Variants in NT5M observed in about 807,000 individuals in gnomAD.
NT5M encodes 5'(3')-deoxyribonucleotidase, mitochondrial.
NT5M carries 22 observed loss-of-function variants against 22.2 expected under a neutral mutation model. The observed-to-expected ratio is 0.99, with a 90% CI of 0.71 to 1.41. NT5M has a LOEUF of 1.41. NT5M is among the 40% of genes most tolerant of loss of function. The probability of loss-of-function intolerance (pLI) is 0.00; values close to 1 mark genes in which losing one functional copy is unlikely to be tolerated. For synonymous variants in NT5M, 167 were observed against 133.0 expected, an observed-to-expected ratio of 1.26 and a Z score of -1.76; for missense variants, 322 against 314.8, an observed-to-expected ratio of 1.02 and a Z score of -0.17.
rs571801233 is a variant in NT5M at position 17,336,284 on chromosome 17, G to A, written c.430-8510G>A. Among the ~76,000 whole-genome samples the A allele has an allele frequency of 7.9e-5, 12 of 152,200 alleles. No individual in the cohort carries two copies. The South Asian group carries it at 2.5e-3, about 32-fold the overall frequency. On this transcript the variant is annotated intron_variant, in intron 3 of 4. Transcript: ENST00000389022. ...CCCAAAGTGCTGGGATTACAGGCAT[G>A]AGCCACCGCGCCCAGCCTATTCATT... is the stretch of plus-strand genomic sequence containing the variant.
At chr17:17,305,413 C>CCCCCCCCCT (rs1567877233) in intron 1 of NT5M, among the ~76,000 whole-genome samples, 3 of 124,978 alleles carry the variant, frequency 2.4e-5, no homozygotes, top group South Asian at 2.8e-4. Flanking sequence ...CCCCCGCCCC[C>CCCCCCCCCT]ACACACGTGG....
At chr17:17,340,895 T>A (rs998692352) in intron 3 of NT5M, among the ~76,000 whole-genome samples, 1 of 152,180 alleles carries the variant, frequency 6.6e-6, no homozygotes, top group Non-Finnish European at 1.5e-5. Context: ...CTTCTTTTTT[T>A]ATTTTTTTTA....
intron 3 of NT5M, among the ~76,000 whole-genome samples, chr17:17,338,815 C>T (rs886481306): frequency 1.3e-5 from 2 of 150,870 alleles, no homozygotes; most frequent in African/African-American, 2.4e-5. Flanking sequence ...CAAGCTCCAC[C>T]TCCCAGGTTC....
intron 2 of NT5M, among the ~76,000 whole-genome samples, chr17:17,308,859 C>T (rs1438726631): frequency 6.6e-6 from 1 of 152,104 alleles, no homozygotes; most frequent in Non-Finnish European, 1.5e-5. Flanking sequence ...AATATGTGGT[C>T]TTTTGGGTCT....
chr17:17,313,421 T>C (rs1391476452), intron 2 of NT5M, among the ~76,000 whole-genome samples: 1 of 152,248 alleles, frequency 6.6e-6, no homozygotes, highest in African/African-American at 2.4e-5. Context: ...CATTTGGCTC[T>C]TAAATTGGTA....
At chr17:17,326,715 C>A (rs764791091) in intron 3 of NT5M, among the ~76,000 whole-genome samples, 1 of 152,024 alleles carries the variant, frequency 6.6e-6, no homozygotes, top group Non-Finnish European at 1.5e-5. Context: ...GATGGACTGT[C>A]CTAAAAGGCT....
chr17:17,314,060 G>A (rs2048974107), intron 2 of NT5M, among the ~76,000 whole-genome samples: 1 of 136,726 alleles, frequency 7.3e-6, no homozygotes, highest in South Asian at 2.1e-4. Flanking sequence ...TTGAGATGGA[G>A]TCTTGCTCTG....
At chr17:17,325,161 T>C (rs2049239294) in intron 3 of NT5M, among the ~76,000 whole-genome samples, 1 of 152,206 alleles carries the variant, frequency 6.6e-6, no homozygotes, top group Non-Finnish European at 1.5e-5. Context: ...GGAGTCACTA[T>C]TTCAGCTGGA....
At position 17,331,787 on chromosome 17, in the gene NT5M, CT is replaced by C. The variant is rs533187754; in HGVS notation, c.429+8553del. Among the ~76,000 whole-genome samples, 52 of 144,688 alleles carry C rather than the reference CT, an allele frequency of 3.6e-4. No homozygotes were observed. The Middle Eastern group carries it at 0.011, about 30-fold the overall frequency. The allele number at this position is 144,688 out of a possible 152,430, so 94.9% of individuals were successfully genotyped here. On this transcript the variant is annotated intron_variant, in intron 3 of 4. Transcript: ENST00000389022. ...ATGGTATTCTTTTTCTTTTTCTTTT[CT>C]TTTTTTTTTTGAGATGGAGTCTCGC... is the stretch of plus-strand genomic sequence containing the variant.
At chr17:17,343,417 G>A (rs1208630323) in intron 3 of NT5M, among the ~76,000 whole-genome samples, 1 of 152,346 alleles carries the variant, frequency 6.6e-6, no homozygotes, top group East Asian at 1.9e-4. Context: ...GAAAGGTGGC[G>A]CTGGGACAGC....
chr17:17,330,719 T>G (rs1268598731), intron 3 of NT5M, among the ~76,000 whole-genome samples: 1 of 150,234 alleles, frequency 6.7e-6, no homozygotes, highest in Non-Finnish European at 1.5e-5. Context: ...TGAATTACAT[T>G]TCTTTGCTTT....
intron 1 of NT5M, 89 bp from the exon 2 acceptor site, chr17:17,306,454 C>T: frequency 3.5e-6 from 3 of 851,336 alleles, no homozygotes; most frequent in Admixed American, 1.9e-5. Context: ...TGAAGAACCA[C>T]TCCCCCTATA....
chr17:17,306,809 A>G (rs905811002), intron 2 of NT5M, among the ~76,000 whole-genome samples, 166 bp downstream of exon 2: 1 of 152,166 alleles, frequency 6.6e-6, no homozygotes, highest in Non-Finnish European at 1.5e-5. Context: ...ACCACCAAAT[A>G]CAATGATCTC....
At chr17:17,343,629 C>A (rs2049694968) in intron 3 of NT5M, among the ~76,000 whole-genome samples, 1 of 152,156 alleles carries the variant, frequency 6.6e-6, no homozygotes, top group Admixed American at 6.5e-5. Context: ...AGGGCAAGGA[C>A]CTGCCCGGCT....
At chr17:17,338,795 C>T (rs184715127) in intron 3 of NT5M, among the ~76,000 whole-genome samples, 7 of 138,928 alleles carry the variant, frequency 5.0e-5, no homozygotes, top group African/African-American at 1.4e-4. Flanking sequence ...GGCGCGATCT[C>T]GGCTCACTGC....
chr17:17,331,042 T>G (rs1234257210), intron 3 of NT5M, among the ~76,000 whole-genome samples: 1 of 151,674 alleles, frequency 6.6e-6, no homozygotes, highest in African/African-American at 2.4e-5. Context: ...GGACCCGGCC[T>G]TCTTTGCATA....
intron 2 of NT5M, among the ~76,000 whole-genome samples, chr17:17,314,895 C>T (rs2048992296): frequency 6.6e-6 from 1 of 152,224 alleles, no homozygotes; most frequent in African/African-American, 2.4e-5. Flanking sequence ...CAGCTGAGGT[C>T]TCTGCCCTCC....
intron 3 of NT5M, among the ~76,000 whole-genome samples, chr17:17,325,223 A>G (rs1465888120): frequency 6.6e-6 from 1 of 152,114 alleles, no homozygotes; most frequent in Non-Finnish European, 1.5e-5. Flanking sequence ...AGTGAGATGA[A>G]CGACATGGCC....
chr17:17,320,333 C>T (rs1269337388), intron 2 of NT5M, among the ~76,000 whole-genome samples: 1 of 152,018 alleles, frequency 6.6e-6, no homozygotes, highest in African/African-American at 2.4e-5. Context: ...TGGTTGCAGC[C>T]GCTCAGTGGG....
Sources: gnomAD v4.1 joint callset for allele counts (sites outside exome capture counted in the v4.1 genomes callset) on GRCh38, gnomAD v4.1.1 for gene constraint, MANE v1.5 for transcripts, NCBI Gene and HGNC (gene_info 2026-07-23, HGNC 2026-07-21) for gene names.